Variants in AAK1 observed in about 807,000 individuals in gnomAD.
The protein encoded by AAK1 is AP2-associated protein kinase 1.
A neutral mutation model predicts 116.0 loss-of-function variants in AAK1; 37 were observed. The ratio of observed to expected loss-of-function variants is 0.32; its 90% CI spans 0.25 to 0.42. The LOEUF is 0.42. AAK1 is among the 10% of genes least tolerant of loss of function. The pLI is 1.00. For missense variants in AAK1, 919 were observed against 1,170.6 expected (o/e 0.79, Z 3.14); for synonymous variants, 458 against 439.9 (o/e 1.04, Z -0.51).
intron 2 of AAK1, among the ~76,000 whole-genome samples, chr2:69,633,094 A>G (rs977883520): frequency 2.0e-5 from 3 of 151,118 alleles, no homozygotes; most frequent in African/African-American, 7.3e-5. Flanking sequence ...GGTGGCAGGC[A>G]CCTGTAGTCC....
chr2:69,500,698 T>TATATATGTATATATATACACACACACAC, intron 16 of AAK1, among the ~76,000 whole-genome samples: 2 of 65,098 alleles, frequency 3.1e-5, no homozygotes, highest in African/African-American at 1.6e-4. Flanking sequence ...TATATATATA[T>TATATATGTATATATATACACACACACAC]ACACACACAC....
Position 69,471,369 on chromosome 2 carries a change from T to C in AAK1, c.*4500A>G. ...AGCACTCATTCTGATTTAAGAAATC[T>C]AAGCACATCCAACTTCAGAAACATT... On this transcript the variant is annotated 3_prime_UTR_variant, in exon 22 of 22. Coordinates refer to ENST00000409085, the MANE Select transcript of AAK1 (RefSeq NM_014911.5). 1.0e-6 allele frequency: 1 copy of C among 985,450 alleles called. No individual in the cohort carries two copies. Among genetic ancestry groups the C allele is most frequent in the Non-Finnish European group, 1.2e-6 (1 of 829,920 alleles). The allele number at this position is 985,450 out of a possible 1,614,324, so 61.0% of individuals were successfully genotyped here.
chr2:69,500,698 T>TATATATATATACACACACAC, intron 16 of AAK1, among the ~76,000 whole-genome samples: 2 of 65,098 alleles, frequency 3.1e-5, no homozygotes, highest in African/African-American at 1.6e-4. Context: ...TATATATATA[T>TATATATATATACACACACAC]ACACACACAC....
Position 69,519,185 on chromosome 2 carries a change from G to A in AAK1, c.1266C>T (p.Ala422=), listed in dbSNP as rs545796923. 3.0e-4 allele frequency: 471 copies of A among 1,588,572 alleles called. 4 individuals carry two copies. The South Asian group carries it at 5.3e-3, about 18-fold the overall frequency. ...TTTGCGGCAGAGGCTGGCTGGGTGG[G>A]GCTTGGGGTTTTGGTTGGGGAACAC... ...LASVPQPKPQ[A]PPSQPLPQTQ... is the part of the protein sequence containing the mutation. The change falls in exon 12 of 22, where the codon GCC becomes GCT. Residue 422 remains alanine, a synonymous_variant. Transcript: ENST00000409085.
At chr2:69,581,890 G>A (rs1207998222) in intron 2 of AAK1, among the ~76,000 whole-genome samples, 1 of 152,060 alleles carries the variant, frequency 6.6e-6, no homozygotes, top group Non-Finnish European at 1.5e-5. Flanking sequence ...GCTGTGGTGG[G>A]AGAATTGCTT....
At chr2:69,610,712 A>C (rs898489586) in intron 2 of AAK1, among the ~76,000 whole-genome samples, 4 of 152,242 alleles carry the variant, frequency 2.6e-5, no homozygotes, top group African/African-American at 9.6e-5. Flanking sequence ...ATTTCTCCAA[A>C]GAAGATATAC....
At chr2:69,602,418 A>T (rs1427272563) in intron 2 of AAK1, among the ~76,000 whole-genome samples, 2 of 152,080 alleles carry the variant, frequency 1.3e-5, no homozygotes, top group African/African-American at 4.8e-5. Flanking sequence ...TGTTTATATT[A>T]TATACTGTAT....
Position 69,482,777 on chromosome 2 carries a change from A to G in AAK1, c.2401T>C (p.Ser801Pro). 1 of 1,613,804 alleles carries G rather than the reference A, an allele frequency of 6.2e-7. No homozygotes were observed. ...LIEGLKSPDT[S>P]LLLPDLLPMT... The stretch of plus-strand genomic sequence containing the variant: ...GGCAAGAGGTCAGGGAGCAGAAGAG[A>G]AGTGTCAGGAGATTTGAGTCCCTCA... The change falls in exon 18 of 22, where the codon TCT (serine) becomes CCT (proline). Residue 801 changes from serine to proline, a missense_variant. By Grantham distance (74) the Ser-to-Pro change is moderately conservative. Transcript: ENST00000409085.
At position 69,471,569 on chromosome 2, in the gene AAK1, C is replaced by A; in HGVS notation, c.*4300G>T. 1.0e-6 allele frequency: 1 copy of A among 985,432 alleles called. No homozygotes were observed. Among genetic ancestry groups the A allele is most frequent in the Non-Finnish European group, 1.2e-6 (1 of 829,930 alleles). 61.0% of individuals were successfully genotyped at this position (985,432 alleles called of 1,614,324 possible). ...CCTCTAATTTGCTTAACCCGGCACA[C>A]TGGGCAATCCTGTCATTTTCATCCC... On this transcript the variant is annotated 3_prime_UTR_variant, in exon 22 of 22. Coordinates refer to ENST00000409085, the MANE Select transcript of AAK1 (RefSeq NM_014911.5).
Position 69,556,852 on chromosome 2 carries a change from A to T in AAK1, c.282+8T>A, listed in dbSNP as rs1558959269. ...TTAAACAGTCCCAAGTCCAAGGGGC[A>T]GCCTTACCATTATCTGGATTTCTCT... is the stretch of plus-strand genomic sequence containing the variant. On this transcript the variant is annotated splice_region_variant and intron_variant, in intron 3 of 21. Transcript: ENST00000409085. 6.2e-7 allele frequency: 1 copy of T among 1,601,556 alleles called. No individual in the cohort carries two copies. Among genetic ancestry groups the T allele is most frequent in the Non-Finnish European group, 8.6e-7 (1 of 1,168,696 alleles).
intron 2 of AAK1, among the ~76,000 whole-genome samples, chr2:69,615,136 C>A (rs1013698082): frequency 6.6e-6 from 1 of 152,182 alleles, no homozygotes; most frequent in African/African-American, 2.4e-5. Flanking sequence ...CCATCAAAAA[C>A]CTTCCTTCTA....
intron 2 of AAK1, among the ~76,000 whole-genome samples, chr2:69,594,464 G>T (rs1034733874): frequency 7.9e-5 from 12 of 152,190 alleles, no homozygotes; most frequent in Non-Finnish European, 4.4e-5. Context: ...CAAAATAAAT[G>T]ATTTACAATT....
chr2:69,585,292 C>A (rs115708348), intron 2 of AAK1, among the ~76,000 whole-genome samples: 1 of 152,088 alleles, frequency 6.6e-6, no homozygotes, highest in Non-Finnish European at 1.5e-5. Flanking sequence ...AAATCCCTGG[C>A]TTCAAGCAAT....
chr2:69,585,736 T>C (rs1672736755), intron 2 of AAK1, among the ~76,000 whole-genome samples: 1 of 152,204 alleles, frequency 6.6e-6, no homozygotes, highest in Non-Finnish European at 1.5e-5. Flanking sequence ...TGATGTGGCA[T>C]ATGGTACTAG....
rs1208829534 is a variant in AAK1, at chr2:69,468,150, T to C, written c.*7719A>G. 1 of 985,216 alleles carries C rather than the reference T, an allele frequency of 1.0e-6. No individual in the cohort carries two copies. The allele number at this position is 985,216 out of a possible 1,614,324, so 61.0% of individuals were successfully genotyped here. A position where few individuals can be genotyped will look rare whatever the true frequency, so the allele number is the denominator to read the frequency against. Reference sequence around the variant, plus strand: ...TAAATTTTTCCTTGTATTATAATTTTAGTATGTGCAGCTACATGGTGATAC... The same window carrying C: ...TAAATTTTTCCTTGTATTATAATTTCAGTATGTGCAGCTACATGGTGATAC... On this transcript the variant is annotated 3_prime_UTR_variant, in exon 22 of 22. Transcript: ENST00000409085.
At chr2:69,491,955 T>C (rs1236015034) in intron 17 of AAK1, among the ~76,000 whole-genome samples, 2 of 152,134 alleles carry the variant, frequency 1.3e-5, no homozygotes, top group Non-Finnish European at 2.9e-5. Flanking sequence ...ATCTGAGAAC[T>C]GTCCCAAAGA....
chr2:69,584,643 G>A (rs900519244), intron 2 of AAK1, among the ~76,000 whole-genome samples: 6 of 152,122 alleles, frequency 3.9e-5, no homozygotes, highest in African/African-American at 1.2e-4. Flanking sequence ...GGGACACTAC[G>A]TCACATTTAG....
At chr2:69,535,335 C>T (rs1214160723) in intron 5 of AAK1, among the ~76,000 whole-genome samples, 1 of 152,136 alleles carries the variant, frequency 6.6e-6, no homozygotes, top group East Asian at 1.9e-4. Context: ...CTCCTATATA[C>T]ACCCATTACG....
At chr2:69,605,418 C>T (rs1673757731) in intron 2 of AAK1, among the ~76,000 whole-genome samples, 1 of 152,174 alleles carries the variant, frequency 6.6e-6, no homozygotes, top group Admixed American at 6.5e-5. Flanking sequence ...CCTTTTCCTT[C>T]TTATGCATTT....
Sources: allele counts gnomAD v4.1 joint callset (sites outside exome capture counted in the v4.1 genomes callset), GRCh38; gene constraint gnomAD v4.1.1; transcripts MANE v1.5; gene names NCBI Gene and HGNC (gene_info 2026-07-23, HGNC 2026-07-21).